WWP2: variants seen among roughly 807,000 people sequenced by gnomAD.
WWP2 encodes the protein NEDD4-like E3 ubiquitin-protein ligase WWP2.
A neutral mutation model predicts 121.0 loss-of-function variants in WWP2; 57 were observed. The ratio of observed to expected loss-of-function variants is 0.47; its 90% confidence interval spans 0.38 to 0.59. The LOEUF is 0.59. Among genes scored for constraint, WWP2 ranks in the 20% least tolerant of loss-of-function variants. The pLI, the probability that WWP2 is intolerant of heterozygous loss-of-function variation, is 0.00. For synonymous variants in WWP2, 449 were observed against 441.3 expected, an observed-to-expected ratio of 1.02 and a Z score of -0.22; for missense variants, 962 against 1,158.9, an observed-to-expected ratio of 0.83 and a Z score of 2.47.
intron 4 of WWP2, among the ~76,000 whole-genome samples, chr16:69,835,071 A>G (rs1045943446): frequency 6.6e-6 from 1 of 152,092 alleles, no homozygotes; most frequent in East Asian, 1.9e-4. Flanking sequence ...AGCTTCCTAT[A>G]TGCTAACTCA....
intron 13 of WWP2, 31 bp downstream of exon 13, chr16:69,930,289 C>G: frequency 6.2e-7 from 1 of 1,609,586 alleles, no homozygotes; most frequent in Non-Finnish European, 8.5e-7. Context: ...GCAGCAGTGT[C>G]AGGAGCCGAG....
At chr16:69,929,392 G>T in intron 11 of WWP2, 56 bp from the exon 12 acceptor site, 1 of 1,551,584 alleles carries the variant, frequency 6.4e-7, no homozygotes, top group South Asian at 1.1e-5. Context: ...CTCAGGGAAA[G>T]GACACCGGCT....
At chr16:69,782,970 C>G (rs1299869509) in intron 1 of WWP2, 1 of 151,132 alleles carries the variant, frequency 6.6e-6, no homozygotes, top group Non-Finnish European at 1.5e-5. Context: ...TGTGCCTCTC[C>G]TGTAACTATA....
chr16:69,939,766 T>C, intron 23 of WWP2, 75 bp from the exon 24 acceptor site: 1 of 1,379,200 alleles, frequency 7.3e-7, no homozygotes, highest in Non-Finnish European at 1.0e-6. Flanking sequence ...GTGGCCCTGC[T>C]GCAGGCAGGC....
chr16:69,891,974 T>C (rs1044128815), intron 8 of WWP2, among the ~76,000 whole-genome samples: 3 of 152,202 alleles, frequency 2.0e-5, no homozygotes, highest in Admixed American at 6.5e-5. Context: ...CTGCTTTGCA[T>C]TTATCACAGG....
intron 4 of WWP2, among the ~76,000 whole-genome samples, chr16:69,835,519 A>G (rs1389367851): frequency 6.6e-6 from 1 of 152,220 alleles, no homozygotes; most frequent in Non-Finnish European, 1.5e-5. Flanking sequence ...ATATGGAAGA[A>G]TTGAAAGAGT....
intron 4 of WWP2, among the ~76,000 whole-genome samples, chr16:69,807,770 T>G (rs910177192): frequency 6.6e-6 from 1 of 151,634 alleles, no homozygotes; most frequent in African/African-American, 2.4e-5. Flanking sequence ...CTGGGCAACA[T>G]AGTGAGACCC....
At chr16:69,829,092 G>A (rs1056428701) in intron 4 of WWP2, among the ~76,000 whole-genome samples, 7 of 152,030 alleles carry the variant, frequency 4.6e-5, no homozygotes, top group Admixed American at 3.9e-4. Context: ...AGCCGTCTTC[G>A]ATACCCGACC....
At chr16:69,793,911 C>CTTTTTTTTT (rs71151135) in intron 2 of WWP2, among the ~76,000 whole-genome samples, 7 of 62,362 alleles carry the variant, frequency 1.1e-4, no homozygotes, top group African/African-American at 2.5e-4. Context: ...ATTATCCTTG[C>CTTTTTTTTT]TTTTTTTTTT....
intron 2 of WWP2, among the ~76,000 whole-genome samples, chr16:69,789,693 C>T (rs1415458545): frequency 6.6e-6 from 1 of 152,162 alleles, no homozygotes; most frequent in Admixed American, 6.5e-5. Context: ...TAGCAATGTG[C>T]GAGAGTGCCT....
At chr16:69,887,402 CT>C (rs796090205) in intron 7 of WWP2, among the ~76,000 whole-genome samples, 22 of 147,404 alleles carry the variant, frequency 1.5e-4, no homozygotes, top group Admixed American at 2.7e-4. Flanking sequence ...AGCCCCAACA[CT>C]TTTTTTTTTT....
Position 69,800,633 on chromosome 16 carries a change from C to T in WWP2, c.340+1338C>T, listed in dbSNP as rs1441170769. ...AGGCTGGAGTGTAGTGGTGCAATCT[C>T]GGCTCACTGCAACCTCCGCCTCCCA... On this transcript the variant is annotated intron_variant, in intron 4 of 23. Transcript: ENST00000359154. 3.3e-5 allele frequency among the ~76,000 whole-genome samples: 5 copies of T among 150,216 alleles called. No individual in the cohort carries two copies. In the South Asian group the frequency reaches 8.4e-4, roughly 25 times the overall value.
At chr16:69,926,657 A>T (rs1318479202) in intron 11 of WWP2, among the ~76,000 whole-genome samples, 1 of 152,130 alleles carries the variant, frequency 6.6e-6, no homozygotes, top group African/African-American at 2.4e-5. Context: ...TTCTGATTGG[A>T]GAGATCATTT....
intron 4 of WWP2, among the ~76,000 whole-genome samples, chr16:69,813,700 C>G (rs1287160968): frequency 2.0e-5 from 3 of 152,094 alleles, no homozygotes; most frequent in African/African-American, 7.2e-5. Flanking sequence ...AACTTTTGGG[C>G]TCTAGTGATC....
chr16:69,799,015 G>A lies in WWP2; in HGVS notation c.219-159G>A. ...CATAGAGCGTTCATTATTATCTAGA[G>A]GGTTACAGGGTCAGCTTTGAGAGGG... On this transcript the variant is annotated intron_variant, in intron 3 of 23. Coordinates refer to ENST00000359154, the MANE Select transcript of WWP2 (RefSeq NM_001270454.2). This position sits in a 1 kb window ranked among gnomAD's most constrained non-coding sequence, Gnocchi z 4.5. 1 of 1,341,630 alleles carries A rather than the reference G, an allele frequency of 7.5e-7. No homozygotes were observed. Among genetic ancestry groups the A allele is most frequent in the Non-Finnish European group, 1.0e-6 (1 of 986,410 alleles). The allele number at this position is 1,341,630 out of a possible 1,614,324, so 83.1% of individuals were successfully genotyped here.
intron 10 of WWP2, chr16:69,924,881 G>A: frequency 1.0e-6 from 1 of 959,698 alleles, no homozygotes; most frequent in Non-Finnish European, 1.2e-6. Flanking sequence ...ATGGGAGGTT[G>A]GGGGGGACGC....
intron 1 of WWP2, among the ~76,000 whole-genome samples, chr16:69,765,778 C>T (rs1343441959): frequency 4.6e-5 from 7 of 152,114 alleles, no homozygotes; most frequent in Non-Finnish European, 8.8e-5. Context: ...GAACCAAGAT[C>T]GCGCCACTGC....
chr16:69,876,938 C>T (rs941315588), intron 7 of WWP2, among the ~76,000 whole-genome samples: 5 of 152,098 alleles, frequency 3.3e-5, no homozygotes, highest in Non-Finnish European at 7.4e-5. Flanking sequence ...TTTGTTGCTC[C>T]ATTTATAAAA....
chr16:69,883,016 G>T (rs574676678), intron 7 of WWP2, among the ~76,000 whole-genome samples: 2 of 152,126 alleles, frequency 1.3e-5, no homozygotes, highest in Admixed American at 1.3e-4. Flanking sequence ...AGCCAGGCGT[G>T]GTGGCACTCG....
Sources: allele counts gnomAD v4.1 joint callset (sites outside exome capture counted in the v4.1 genomes callset), GRCh38; gene constraint gnomAD v4.1.1; non-coding constraint Gnocchi (gnomAD v3.1); transcripts MANE v1.5; gene names NCBI Gene and HGNC (gene_info 2026-07-23, HGNC 2026-07-21).